KCNH1: variants seen among roughly 807,000 people sequenced by gnomAD.
KCNH1 encodes potassium voltage-gated channel subfamily H member 1.
A neutral mutation model predicts 69.2 loss-of-function variants in KCNH1; 27 were observed. The observed-to-expected ratio is 0.39, with a 90% CI of 0.29 to 0.54. The LOEUF is 0.54. Among genes scored for constraint, KCNH1 ranks in the 20% least tolerant of loss-of-function variants. The probability of loss-of-function intolerance (pLI) is 0.68; values close to 1 mark genes in which losing one functional copy is unlikely to be tolerated. For synonymous variants in KCNH1, 456 were observed against 487.7 expected (o/e 0.93, Z 0.86); for missense variants, 798 against 1,261.6 (o/e 0.63, Z 5.57).
intron 10 of KCNH1, among the ~76,000 whole-genome samples, chr1:210,725,588 G>A (rs1403302722): frequency 6.6e-6 from 1 of 152,170 alleles, no homozygotes; most frequent in Non-Finnish European, 1.5e-5. Context: ...CTTGAATGGA[G>A]GAAATCTGCA....
intron 3 of KCNH1, among the ~76,000 whole-genome samples, chr1:211,099,925 T>C (rs1225306599): frequency 6.6e-6 from 1 of 152,172 alleles, no homozygotes; most frequent in Non-Finnish European, 1.5e-5. Flanking sequence ...CCTCTTCCCC[T>C]GACCAGGCCA....
At chr1:210,705,680 T>C (rs555746930) in intron 10 of KCNH1, among the ~76,000 whole-genome samples, 13 of 152,336 alleles carry the variant, frequency 8.5e-5, no homozygotes, top group African/African-American at 3.1e-4. Context: ...CTTTCAACTC[T>C]GAGGTCTCCT....
chr1:210,880,421 C>A, intron 7 of KCNH1, among the ~76,000 whole-genome samples: 1 of 151,916 alleles, frequency 6.6e-6, no homozygotes, highest in South Asian at 2.1e-4. Flanking sequence ...AATAGAAAGC[C>A]CAGAAATAGA....
chr1:211,038,832 C>T (rs894570028), intron 5 of KCNH1, among the ~76,000 whole-genome samples: 5 of 152,128 alleles, frequency 3.3e-5, no homozygotes, highest in Non-Finnish European at 7.3e-5. Context: ...TAAAGGCATT[C>T]AGTTTTAAAA....
chr1:211,022,072 A>C (rs1468152333), intron 5 of KCNH1, among the ~76,000 whole-genome samples: 1 of 152,236 alleles, frequency 6.6e-6, no homozygotes, highest in African/African-American at 2.4e-5. Flanking sequence ...CTGACTTCAA[A>C]TTATACTACA....
intron 10 of KCNH1, among the ~76,000 whole-genome samples, chr1:210,719,574 T>C (rs1014922513): frequency 1.3e-5 from 2 of 151,756 alleles, no homozygotes; most frequent in Admixed American, 1.3e-4. Context: ...AGGGAGAGCA[T>C]TAGGACAAAT....
chr1:210,875,464 G>A (rs548883686), intron 7 of KCNH1, among the ~76,000 whole-genome samples: 1 of 152,276 alleles, frequency 6.6e-6, no homozygotes, highest in East Asian at 1.9e-4. Context: ...ACTATTAGGA[G>A]GGTTTAGGAA....
intron 7 of KCNH1, among the ~76,000 whole-genome samples, chr1:210,874,964 G>A (rs1686335846): frequency 6.6e-6 from 1 of 152,136 alleles, no homozygotes; most frequent in African/African-American, 2.4e-5. Flanking sequence ...AAGGTTGATA[G>A]TGTTCCACAC....
intron 7 of KCNH1, among the ~76,000 whole-genome samples, chr1:210,907,352 C>A (rs1241230223): frequency 6.6e-6 from 1 of 152,074 alleles, no homozygotes; most frequent in Non-Finnish European, 1.5e-5. Context: ...ATTGCCAAAG[C>A]AAAAGATGGT....
intron 7 of KCNH1, among the ~76,000 whole-genome samples, chr1:210,825,146 C>T (rs1315103576): frequency 6.6e-6 from 1 of 152,092 alleles, no homozygotes; most frequent in Non-Finnish European, 1.5e-5. Context: ...AATGTTCTGC[C>T]AAATACCCAA....
chr1:211,056,089 A>C (rs977209870), intron 5 of KCNH1, among the ~76,000 whole-genome samples: 1 of 152,228 alleles, frequency 6.6e-6, no homozygotes, highest in East Asian at 1.9e-4. Context: ...GCTCAGTCAC[A>C]GTAGGGTAGA....
chr1:211,017,919 A>T (rs1225518936), intron 6 of KCNH1, among the ~76,000 whole-genome samples: 1 of 152,124 alleles, frequency 6.6e-6, no homozygotes, highest in African/African-American at 2.4e-5. Context: ...TGTTTGGGTC[A>T]TGGGGGGTGG....
chr1:211,044,466 A>G (rs1439393282), intron 5 of KCNH1, among the ~76,000 whole-genome samples: 3 of 152,214 alleles, frequency 2.0e-5, no homozygotes, highest in Non-Finnish European at 4.4e-5. Context: ...TCAGCAGAGT[A>G]AACAGACAAC....
At chr1:210,795,925 A>C (rs1033980082) in intron 9 of KCNH1, among the ~76,000 whole-genome samples, 1 of 150,858 alleles carries the variant, frequency 6.6e-6, no homozygotes, top group Non-Finnish European at 1.5e-5. Context: ...GATTGAGACC[A>C]TCCTGGCTAA....
chr1:210,771,673 G>C (rs749791751), intron 10 of KCNH1, among the ~76,000 whole-genome samples: 1 of 152,202 alleles, frequency 6.6e-6, no homozygotes, highest in Non-Finnish European at 1.5e-5. Flanking sequence ...GTAGTAGTAG[G>C]CTTCATGTGA....
At chr1:210,698,071 T>A (rs1050729497) in intron 10 of KCNH1, among the ~76,000 whole-genome samples, 1 of 152,230 alleles carries the variant, frequency 6.6e-6, no homozygotes, top group African/African-American at 2.4e-5. Context: ...GAATCCAATA[T>A]AGAACAGGAA....
intron 7 of KCNH1, among the ~76,000 whole-genome samples, chr1:210,821,536 T>G (rs111835153): frequency 1.3e-5 from 2 of 152,118 alleles, no homozygotes; most frequent in African/African-American, 4.8e-5. Flanking sequence ...CACGATCATC[T>G]TGGTGGTCCA....
At chr1:210,707,912 T>C (rs1198973945) in intron 10 of KCNH1, among the ~76,000 whole-genome samples, 1 of 152,174 alleles carries the variant, frequency 6.6e-6, no homozygotes, top group Non-Finnish European at 1.5e-5. Context: ...GAACGGCAAA[T>C]GAGGTCTTCT....
chr1:210,824,365 AT>A (rs948143338), intron 7 of KCNH1, among the ~76,000 whole-genome samples: 39 of 150,562 alleles, frequency 2.6e-4, no homozygotes, highest in South Asian at 4.2e-4. Flanking sequence ...TATTTGTAAT[AT>A]TAGAAATTAA....
Sources: gnomAD v4.1 joint callset for allele counts (sites outside exome capture counted in the v4.1 genomes callset) on GRCh38, gnomAD v4.1.1 for gene constraint, MANE v1.5 for transcripts, NCBI Gene and HGNC (gene_info 2026-07-23, HGNC 2026-07-21) for gene names.